The following TMEM240 variants were observed in gnomAD, a reference collection of about 807,000 sequenced individuals.
TMEM240 encodes transmembrane protein 240, also known as transmembrane protein C1orf70.
In TMEM240, 3 loss-of-function variants were observed where a neutral mutation model predicts 19.5. The observed-to-expected ratio is 0.15, with a 90% CI of 0.07 to 0.40. The LOEUF (loss-of-function observed/expected upper bound fraction) is 0.40, where lower values mean the gene tolerates loss of function less well. TMEM240 is among the 10% of genes least tolerant of loss of function. TMEM240 has a pLI of 1.00. For synonymous variants in TMEM240, 123 were observed against 109.3 expected (o/e 1.13, Z -0.78); for missense variants, 210 against 253.5 (o/e 0.83, Z 1.17).
At chr1:1,540,237 C>T in intron 1 of TMEM240, 53 bp downstream of exon 1, 6 of 1,034,988 alleles carry the variant, frequency 5.8e-6, no homozygotes, top group Non-Finnish European at 7.0e-6. Flanking sequence ...GTGGGCCAGG[C>T]GGCGCGCGCG....
chr1:1,537,739 G>A (rs1225380491), intron 2 of TMEM240, among the ~76,000 whole-genome samples: 7 of 152,192 alleles, frequency 4.6e-5, no homozygotes, highest in African/African-American at 7.2e-5. Flanking sequence ...GGGACATGGC[G>A]TGATACTGTG....
intron 2 of TMEM240, among the ~76,000 whole-genome samples, chr1:1,538,333 G>A (rs1027671586): frequency 5.3e-5 from 8 of 152,190 alleles, no homozygotes; most frequent in Admixed American, 2.0e-4. Flanking sequence ...TGCCTTCAGC[G>A]TGCACCCACC....
chr1:1,540,158 G>C (rs1642280652), intron 1 of TMEM240, 132 bp downstream of exon 1: 2 of 332,066 alleles, frequency 6.0e-6, no homozygotes, highest in Non-Finnish European at 9.7e-6. Flanking sequence ...GGGGAGCGCA[G>C]GCCGGGGAGG....
intron 2 of TMEM240, among the ~76,000 whole-genome samples, chr1:1,538,683 T>C (rs1299549337): frequency 6.6e-6 from 1 of 152,246 alleles, no homozygotes; most frequent in Non-Finnish European, 1.5e-5. Context: ...CACCCCGATC[T>C]CTGCCTTCTC....
intron 2 of TMEM240, among the ~76,000 whole-genome samples, chr1:1,537,361 G>A (rs889883472): frequency 2.6e-5 from 4 of 152,140 alleles, no homozygotes; most frequent in African/African-American, 4.8e-5. Context: ...TCACCAATGG[G>A]CAGCTGCTGA....
chr1:1,535,290 C>T lies in TMEM240; in HGVS notation c.*69G>A, dbSNP rs1642195051. On this transcript the variant is annotated 3_prime_UTR_variant, in exon 4 of 4. Transcript: ENST00000378733. This position sits in a 1 kb window ranked among gnomAD's most constrained non-coding sequence, Gnocchi z 8.2. ...TGTCCAGTCCCGCCGGCCCGGGCGT[C>T]CACGAGGTCCCTTTTACATCTGTAC... 1 of 1,510,998 alleles carries T rather than the reference C, an allele frequency of 6.6e-7. No homozygotes were observed. The highest frequency in any genetic ancestry group is 2.5e-5 in the East Asian group (1 of 39,394). 93.6% of individuals were successfully genotyped at this position (1,510,998 alleles called of 1,614,324 possible). A position where few individuals can be genotyped will look rare whatever the true frequency, so the allele number is the denominator to read the frequency against.
At chr1:1,538,354 C>T (rs1327619793) in intron 2 of TMEM240, among the ~76,000 whole-genome samples, 4 of 152,242 alleles carry the variant, frequency 2.6e-5, no homozygotes, top group Admixed American at 6.5e-5. Context: ...CGAGTCCACG[C>T]GTGCTCTGGA....
Position 1,540,546 on chromosome 1 carries a change from T to G in TMEM240, c.-200A>C. ...GCCGGGGAGGGACGCGGGGCCTTTC[T>G]GGGGTCTCTCGGCCCGGCCCGCCGC... On this transcript the variant is annotated 5_prime_UTR_variant, in exon 1 of 4. Coordinates refer to ENST00000378733, the MANE Select transcript of TMEM240 (RefSeq NM_001114748.2). 6.0e-6 allele frequency: 1 copy of G among 166,640 alleles called. No homozygotes were observed. Among genetic ancestry groups the G allele is most frequent in the Non-Finnish European group, 1.3e-5 (1 of 79,136 alleles). 10.3% of individuals were successfully genotyped at this position (166,640 alleles called of 1,614,324 possible).
rs749204024 is a variant in TMEM240 at position 1,535,371 on chromosome 1, C to T, written c.510G>A (p.Pro170=). Reference sequence around the variant, plus strand: ...GTCCCCGTGCGGCTCACAGGTGCCGCGGGCTGGGGTGGCCATTGTGGTAGA... The same window carrying T: ...GTCCCCGTGCGGCTCACAGGTGCCGTGGGCTGGGGTGGCCATTGTGGTAGA... ...QKLYHNGHPS[P]RHL The change falls in exon 4 of 4, where the codon CCG becomes CCA. Residue 170 remains proline (P), a synonymous_variant. Coordinates refer to ENST00000378733, the MANE Select transcript of TMEM240 (RefSeq NM_001114748.2). This position sits in a 1 kb window ranked among gnomAD's most constrained non-coding sequence, Gnocchi z 8.2. 1.4e-5 allele frequency: 22 copies of T among 1,549,358 alleles called. No homozygotes were observed. Among genetic ancestry groups the T allele is most frequent in the South Asian group, 1.3e-4 (11 of 83,950 alleles).
rs933850616 is a variant in TMEM240 at position 1,535,410 on chromosome 1, G to A, written c.471C>T (p.His157=). ...CATTGTGGTAGAGTTTCTGCTTCAC[G>A]TGTACCATGTTCCCGGCGGCCTCCT... ...PFEEAAGNMV[H]VKQKLYHNGH... is the part of the protein sequence containing the mutation. The change falls in exon 4 of 4, where the codon CAC becomes CAT. Residue 157 remains histidine (H), a synonymous_variant. Transcript: ENST00000378733. This position sits in a 1 kb window ranked among gnomAD's most constrained non-coding sequence, Gnocchi z 8.2. The A allele has an allele frequency of 7.6e-5, 118 of 1,549,760 alleles. No homozygotes were observed. Among genetic ancestry groups the A allele is most frequent in the Middle Eastern group, 3.3e-4 (2 of 5,992 alleles).
At chr1:1,537,084 G>A (rs962395118) in intron 2 of TMEM240, among the ~76,000 whole-genome samples, 6 of 152,012 alleles carry the variant, frequency 3.9e-5, no homozygotes, top group African/African-American at 9.7e-5. Context: ...TGTGCCCAGC[G>A]GGGACCACAC....
chr1:1,539,491 G>C lies in TMEM240; in HGVS notation c.164+193C>G, dbSNP rs9439465. 0.43 allele frequency: 255,228 copies of C among 587,722 alleles called. 67,936 individuals carry two copies. The highest frequency in any genetic ancestry group is 0.84 in the East Asian group (28,482 of 33,716). The allele number at this position is 587,722 out of a possible 1,614,324, so 36.4% of individuals were successfully genotyped here. ...CATCACCCTGGAGGCCTCTAGGAAC[G>C]GCGTCCTAAAGCCATGCGCCCCCAG... On this transcript the variant is annotated intron_variant, in intron 2 of 3. Transcript: ENST00000378733.
intron 2 of TMEM240, among the ~76,000 whole-genome samples, chr1:1,537,607 T>G (rs1305320643): frequency 1.3e-5 from 2 of 152,160 alleles, no homozygotes; most frequent in South Asian, 2.1e-4. Flanking sequence ...TGGGCAGAGA[T>G]ATGCTATCTG....
chr1:1,537,725 G>A (rs1356331095), intron 2 of TMEM240, among the ~76,000 whole-genome samples: 1 of 152,314 alleles, frequency 6.6e-6, no homozygotes, highest in South Asian at 2.1e-4. Context: ...CCAGCCACAT[G>A]CACGGGACAT....
At chr1:1,538,844 C>T (rs746512120) in intron 2 of TMEM240, among the ~76,000 whole-genome samples, 1 of 152,202 alleles carries the variant, frequency 6.6e-6, no homozygotes, top group African/African-American at 2.4e-5. Flanking sequence ...ATGACGAACA[C>T]GGGTTCTGGG....
chr1:1,540,399 C>A lies in TMEM240; in HGVS notation c.-53G>T. On this transcript the variant is annotated 5_prime_UTR_variant, in exon 1 of 4. Transcript: ENST00000378733. ...CCGCCCCCCGGCCCCGGCGCCCCCC[C>A]GGCCCCGGCCCGATGCTGAGCCCCC... The A allele has an allele frequency of 2.4e-6, 2 of 839,566 alleles. No individual in the cohort carries two copies. Among genetic ancestry groups the A allele is most frequent in the Non-Finnish European group, 1.5e-6 (1 of 665,978 alleles). The allele number at this position is 839,566 out of a possible 1,614,324, so 52.0% of individuals were successfully genotyped here. A position where few individuals can be genotyped will look rare whatever the true frequency, so the allele number is the denominator to read the frequency against.
intron 2 of TMEM240, among the ~76,000 whole-genome samples, chr1:1,537,800 G>A (rs781506307): frequency 3.3e-5 from 5 of 152,202 alleles, no homozygotes; most frequent in South Asian, 2.1e-4. Flanking sequence ...GGTGTGTCAC[G>A]CGAGTGCATG....
Position 1,535,169 on chromosome 1 carries a change from C to T in TMEM240, c.*190G>A. The T allele has an allele frequency of 1.6e-6, 1 of 620,282 alleles. No individual in the cohort carries two copies. 38.4% of individuals were successfully genotyped at this position (620,282 alleles called of 1,614,324 possible). ...CCCCTAACCCAACCCCCACCCTAGCCCACACCCCAACCCCCTTTATAAAAA... is the reference window on the plus strand; with the variant it reads ...CCCCTAACCCAACCCCCACCCTAGCTCACACCCCAACCCCCTTTATAAAAA... On this transcript the variant is annotated 3_prime_UTR_variant, in exon 4 of 4. Transcript: ENST00000378733. This position sits in a 1 kb window ranked among gnomAD's most constrained non-coding sequence, Gnocchi z 8.2.
At chr1:1,538,155 GACAT>G (rs146742015) in intron 2 of TMEM240, among the ~76,000 whole-genome samples, 1 of 152,316 alleles carries the variant, frequency 6.6e-6, no homozygotes, top group East Asian at 1.9e-4. Context: ...TGTATATTGT[GACAT>G]ACATGTACTT....
Sources: gnomAD v4.1 joint callset for allele counts (sites outside exome capture counted in the v4.1 genomes callset) on GRCh38, gnomAD v4.1.1 for gene constraint, Gnocchi (gnomAD v3.1) non-coding constraint, MANE v1.5 for transcripts, NCBI Gene and HGNC (gene_info 2026-07-23, HGNC 2026-07-21) for gene names.